DDX50: variants seen among roughly 807,000 people sequenced by gnomAD.
DDX50 encodes DExD-box helicase 50.
In DDX50, 56 loss-of-function variants were observed where a neutral mutation model predicts 94.8. The observed-to-expected ratio is 0.59, with a 90% CI of 0.48 to 0.74. DDX50 has a LOEUF of 0.74. Ranked by LOEUF, DDX50 falls within the 30% of genes least tolerant of loss-of-function variation. The probability of loss-of-function intolerance (pLI) is 0.00; values close to 1 mark genes in which losing one functional copy is unlikely to be tolerated. For missense variants in DDX50, 713 were observed against 881.2 expected, an observed-to-expected ratio of 0.81 and a Z score of 2.42; for synonymous variants, 264 against 295.4, an observed-to-expected ratio of 0.89 and a Z score of 1.09.
rs533482487 is a variant in DDX50 at position 68,918,522 on chromosome 10, A to G, written c.1090-1310A>G. On this transcript the variant is annotated intron_variant, in intron 7 of 14. Transcript: ENST00000373585. ...CTAATTTTGGCTCACTGCAACCTTC[A>G]CCTCCCGGGTTCAAGCAATTCTCCT... Among the ~76,000 whole-genome samples the G allele has an allele frequency of 2.2e-3, 274 of 126,638 alleles. 2 individuals carry two copies. The highest frequency in any genetic ancestry group is 8.1e-3 in the African/African-American group (264 of 32,594). 83.1% of individuals were successfully genotyped at this position (126,638 alleles called of 152,430 possible).
At chr10:68,917,938 T>G (rs971951771) in intron 7 of DDX50, among the ~76,000 whole-genome samples, 1 of 152,022 alleles carries the variant, frequency 6.6e-6, no homozygotes, top group Non-Finnish European at 1.5e-5. Flanking sequence ...ATCTTTTTTT[T>G]TTTGAGATGG....
intron 6 of DDX50, 37 bp from the exon 7 acceptor site, chr10:68,914,022 A>G: frequency 6.5e-7 from 1 of 1,538,374 alleles, no homozygotes; most frequent in Non-Finnish European, 8.7e-7. Flanking sequence ...ATCGTGGGAA[A>G]TTAAGAAAAC....
At chr10:68,918,402 G>C (rs192140723) in intron 7 of DDX50, among the ~76,000 whole-genome samples, 50 of 137,350 alleles carry the variant, frequency 3.6e-4, no homozygotes, top group African/African-American at 1.2e-3. Context: ...CCCAACAACC[G>C]TTAAACAGTT....
intron 1 of DDX50, among the ~76,000 whole-genome samples, chr10:68,904,093 A>G (rs1271839382): frequency 6.6e-6 from 1 of 151,872 alleles, no homozygotes; most frequent in Non-Finnish European, 1.5e-5. Flanking sequence ...GCAGTGAGCC[A>G]AGATCACGTC....
Position 68,913,186 on chromosome 10 carries a change from G to A in DDX50, c.664G>A (p.Glu222Lys). ...PKVLVLAPTR[E>K]LANQVAKDFK... is the part of the protein sequence containing the mutation. The stretch of plus-strand genomic sequence containing the variant: ...GGTACTTGTTTTGGCTCCAACAAGG[G>A]AACTGGCAAACCAAGTAGCCAAAGA... The change falls in exon 5 of 15, where the codon GAA becomes AAA. Residue 222 changes from glutamate to lysine, a missense_variant. Transcript: ENST00000373585. 6.2e-7 allele frequency: 1 copy of A among 1,610,624 alleles called. No individual in the cohort carries two copies. Among genetic ancestry groups the A allele is most frequent in the Non-Finnish European group, 8.5e-7 (1 of 1,179,246 alleles).
At chr10:68,937,847 A>G (rs1842463328) in intron 12 of DDX50, among the ~76,000 whole-genome samples, 1 of 152,040 alleles carries the variant, frequency 6.6e-6, no homozygotes, top group Admixed American at 6.5e-5. Flanking sequence ...CAGCCTCCCA[A>G]AGTGCTGGGA....
Position 68,943,264 on chromosome 10 carries a change from T to C in DDX50, c.1935+7T>C. The C allele has an allele frequency of 6.2e-7, 1 of 1,602,878 alleles. No homozygotes were observed. The highest frequency in any genetic ancestry group is 8.5e-7 in the Non-Finnish European group (1 of 1,176,432). On this transcript the variant is annotated splice_region_variant and intron_variant, in intron 14 of 14. Transcript: ENST00000373585. ...TGAGTCAGAAAGGTTACAGGTATTT[T>C]TAAAATTTTATCTTTTAAATGGTTG...
At chr10:68,930,682 G>A (rs773065402) in intron 8 of DDX50, among the ~76,000 whole-genome samples, 2 of 152,034 alleles carry the variant, frequency 1.3e-5, no homozygotes, top group Non-Finnish European at 1.5e-5. Context: ...GGGGAGACAG[G>A]GTCTCACTCT....
At chr10:68,926,234 G>A (rs1408053098) in intron 8 of DDX50, among the ~76,000 whole-genome samples, 5 of 148,024 alleles carry the variant, frequency 3.4e-5, no homozygotes, top group Non-Finnish European at 7.4e-5. Context: ...ACAGATAGAT[G>A]GTAAATAGTG....
chr10:68,929,158 G>T (rs972996536), intron 8 of DDX50, among the ~76,000 whole-genome samples: 1 of 152,030 alleles, frequency 6.6e-6, no homozygotes, highest in African/African-American at 2.4e-5. Context: ...TGTTGGCCAG[G>T]CTGGTCTGGA....
rs1554833504 is a variant in DDX50 at position 68,906,695 on chromosome 10, C to G, written c.88-16C>G. Reference sequence around the variant, plus strand: ...ACCTCTGACCATCTTGTCATTGCTTCTTTGTTTGTTCACAGAGTGACAGAA... The same window carrying G: ...ACCTCTGACCATCTTGTCATTGCTTGTTTGTTTGTTCACAGAGTGACAGAA... On this transcript the variant is annotated splice_polypyrimidine_tract_variant and intron_variant, in intron 1 of 14. Coordinates refer to ENST00000373585, the MANE Select transcript of DDX50 (RefSeq NM_024045.2). The G allele has an allele frequency of 2.5e-6, 4 of 1,594,506 alleles. No individual in the cohort carries two copies. In the South Asian group the frequency reaches 3.5e-5, roughly 14 times the overall value.
intron 14 of DDX50, among the ~76,000 whole-genome samples, chr10:68,945,744 G>A (rs1349172998): frequency 6.6e-6 from 1 of 152,080 alleles, no homozygotes; most frequent in Non-Finnish European, 1.5e-5. Flanking sequence ...GTTTCCAGTG[G>A]CTACATTTTT....
intron 7 of DDX50, among the ~76,000 whole-genome samples, chr10:68,915,816 T>G (rs1841772449): frequency 6.6e-6 from 1 of 152,180 alleles, no homozygotes; most frequent in East Asian, 1.9e-4. Flanking sequence ...TGCATATATA[T>G]GTGTATGTAG....
intron 7 of DDX50, among the ~76,000 whole-genome samples, chr10:68,919,280 A>G (rs1841883804): frequency 6.6e-6 from 1 of 152,234 alleles, no homozygotes; most frequent in African/African-American, 2.4e-5. Context: ...GTTCATTCAT[A>G]TAATTTTTAT....
At chr10:68,910,823 T>C (rs1385457417) in intron 3 of DDX50, among the ~76,000 whole-genome samples, 1 of 152,090 alleles carries the variant, frequency 6.6e-6, no homozygotes, top group Non-Finnish European at 1.5e-5. Context: ...TCTTCTTTAA[T>C]TGCACTTACT....
At chr10:68,917,286 C>A (rs1313249016) in intron 7 of DDX50, among the ~76,000 whole-genome samples, 1 of 151,794 alleles carries the variant, frequency 6.6e-6, no homozygotes, top group Non-Finnish European at 1.5e-5. Context: ...ATAGTGAAAC[C>A]CTGTCTCTAC....
intron 8 of DDX50, among the ~76,000 whole-genome samples, chr10:68,920,584 C>T (rs1841914481): frequency 6.6e-6 from 1 of 151,888 alleles, no homozygotes; most frequent in Non-Finnish European, 1.5e-5. Flanking sequence ...AGTTGTGTTA[C>T]AAAACTACAA....
chr10:68,923,892 T>C (rs1290841822), intron 8 of DDX50, among the ~76,000 whole-genome samples: 1 of 151,740 alleles, frequency 6.6e-6, no homozygotes, highest in African/African-American at 2.4e-5. Context: ...TTATTTGTTT[T>C]GTGGATAAGC....
At chr10:68,911,348 A>G in intron 4 of DDX50, 102 bp downstream of exon 4, 1 of 1,275,552 alleles carries the variant, frequency 7.8e-7, no homozygotes, top group Non-Finnish European at 1.0e-6. Context: ...TAGAAAAGTT[A>G]GCGCTGTGGC....
Sources: gnomAD v4.1 joint callset for allele counts (sites outside exome capture counted in the v4.1 genomes callset) on GRCh38, gnomAD v4.1.1 for gene constraint, MANE v1.5 for transcripts, NCBI Gene and HGNC (gene_info 2026-07-23, HGNC 2026-07-21) for gene names.